The following PRIM2 variants were observed in gnomAD, a reference collection of about 807,000 sequenced individuals.
PRIM2 encodes the protein DNA primase subunit 2, also known as DNA primase large subunit.
In PRIM2, 39 loss-of-function variants were observed where a neutral mutation model predicts 67.3. The ratio of observed to expected loss-of-function variants is 0.58; its 90% CI spans 0.45 to 0.76. PRIM2 has a LOEUF of 0.76. PRIM2 is among the 30% of genes least tolerant of loss of function. The pLI is 0.00. For synonymous variants in PRIM2, 143 were observed against 198.7 expected (o/e 0.72, Z 2.36); for missense variants, 398 against 598.7 (o/e 0.66, Z 3.50).
the PRIM2 span, among the ~76,000 whole-genome samples, chr6:57,226,200 C>G: frequency 6.6e-6 from 1 of 152,126 alleles, no homozygotes; most frequent in African/African-American, 2.4e-5. Flanking sequence ...CATATGCACA[C>G]ATATACACAA....
At chr6:57,600,472 C>T (rs1776444573) in intron 10 of PRIM2, among the ~76,000 whole-genome samples, 1 of 151,968 alleles carries the variant, frequency 6.6e-6, no homozygotes, top group African/African-American at 2.4e-5. Flanking sequence ...ATAATTCTGC[C>T]TCAGGCTCCT....
At chr6:57,628,562 G>T (rs1776992983) in intron 12 of PRIM2, among the ~76,000 whole-genome samples, 26 of 152,322 alleles carry the variant, frequency 1.7e-4, no homozygotes, top group African/African-American at 5.5e-4. Flanking sequence ...GCATGATGCT[G>T]AGGCTTGGGC....
At chr6:57,384,469 C>T (rs1473040283) in intron 7 of PRIM2, among the ~76,000 whole-genome samples, 1 of 152,146 alleles carries the variant, frequency 6.6e-6, no homozygotes, top group Non-Finnish European at 1.5e-5. Flanking sequence ...ACATCTGCAA[C>T]AATCCTATTT....
chr6:57,448,141 C>A (rs1772424904), intron 7 of PRIM2, among the ~76,000 whole-genome samples: 1 of 152,240 alleles, frequency 6.6e-6, no homozygotes, highest in East Asian at 1.9e-4. Flanking sequence ...TTTATTAAGA[C>A]AATGTTGTAT....
At chr6:57,369,948 G>A (rs1203289312) in intron 5 of PRIM2, among the ~76,000 whole-genome samples, 1 of 152,198 alleles carries the variant, frequency 6.6e-6, no homozygotes. Context: ...CTAAGGGTGT[G>A]CTGTATGTTA....
At chr6:57,510,898 GA>G (rs1394771402) in intron 8 of PRIM2, among the ~76,000 whole-genome samples, 3 of 151,804 alleles carry the variant, frequency 2.0e-5, no homozygotes, top group Non-Finnish European at 4.4e-5. Context: ...AATTTTGTTA[GA>G]AAAAAATTGA....
At chr6:57,248,437 A>G in the PRIM2 span, among the ~76,000 whole-genome samples, 3 of 152,192 alleles carry the variant, frequency 2.0e-5, no homozygotes, top group Non-Finnish European at 4.4e-5. Context: ...CGAACAAATA[A>G]TTGAACAAAA....
chr6:57,594,394 T>TA (rs1211634625), intron 10 of PRIM2, among the ~76,000 whole-genome samples: 1 of 152,234 alleles, frequency 6.6e-6, no homozygotes, highest in Non-Finnish European at 1.5e-5. Flanking sequence ...AGGACTCACT[T>TA]ACCTTTGAAA....
At chr6:57,325,820 C>A in intron 4 of PRIM2, 105 bp from the exon 5 acceptor site, 2 of 1,131,010 alleles carry the variant, frequency 1.8e-6, no homozygotes, top group Non-Finnish European at 2.5e-6. Context: ...TAACTGCTGT[C>A]CATTGGCATC....
At chr6:57,470,606 C>T (rs1250092186) in intron 7 of PRIM2, among the ~76,000 whole-genome samples, 1 of 150,926 alleles carries the variant, frequency 6.6e-6, no homozygotes, top group African/African-American at 2.4e-5. Flanking sequence ...ACCCCAAATC[C>T]CAAAATTGTT....
At chr6:57,606,044 A>G (rs1272922685) in intron 11 of PRIM2, among the ~76,000 whole-genome samples, 2 of 151,720 alleles carry the variant, frequency 1.3e-5, no homozygotes, top group Non-Finnish European at 2.9e-5. Context: ...ATAAAGTTTT[A>G]AAATAAACTA....
intron 5 of PRIM2, among the ~76,000 whole-genome samples, chr6:57,366,508 G>T (rs573847094): frequency 6.6e-6 from 1 of 152,134 alleles, no homozygotes; most frequent in Non-Finnish European, 1.5e-5. Flanking sequence ...TGCTGTGATC[G>T]TGGGAGTGGG....
chr6:57,430,754 C>T (rs1771799609), intron 7 of PRIM2, among the ~76,000 whole-genome samples: 1 of 152,048 alleles, frequency 6.6e-6, no homozygotes, highest in Admixed American at 6.6e-5. Context: ...AGTCACTGTG[C>T]CCGGGCAGGA....
chr6:57,301,389 C>T, the PRIM2 span, among the ~76,000 whole-genome samples: 2 of 151,996 alleles, frequency 1.3e-5, no homozygotes, highest in Admixed American at 6.6e-5. Flanking sequence ...CGGTAGGCTG[C>T]GGCAGGAGAA....
chr6:57,288,185 T>C, the PRIM2 span, among the ~76,000 whole-genome samples: 1,250 of 152,290 alleles, frequency 8.2e-3, 24 homozygotes, highest in African/African-American at 0.029. Flanking sequence ...CGCAGCAGTC[T>C]GTGATCAACC....
intron 10 of PRIM2, among the ~76,000 whole-genome samples, chr6:57,599,276 A>T (rs1359700495): frequency 8.8e-6 from 1 of 113,432 alleles, no homozygotes; most frequent in Admixed American, 9.0e-5. Flanking sequence ...GATCTGCACG[A>T]GCTCCAGTTA....
chr6:57,476,840 T>C (rs1773489097), intron 7 of PRIM2, among the ~76,000 whole-genome samples: 1 of 152,120 alleles, frequency 6.6e-6, no homozygotes, highest in African/African-American at 2.4e-5. Context: ...CTCCGCCTTC[T>C]GGGTTCAAGT....
chr6:57,433,906 G>A (rs1771920567), intron 7 of PRIM2, among the ~76,000 whole-genome samples: 1 of 149,820 alleles, frequency 6.7e-6, no homozygotes, highest in Non-Finnish European at 1.5e-5. Flanking sequence ...TGTGGGACAA[G>A]CAACTTCTCT....
intron 10 of PRIM2, among the ~76,000 whole-genome samples, chr6:57,599,864 G>T (rs1434477080): frequency 6.6e-6 from 1 of 152,140 alleles, no homozygotes; most frequent in Non-Finnish European, 1.5e-5. Context: ...ATATTGCTCT[G>T]TTGCCCTGAC....
Sources: allele counts gnomAD v4.1 joint callset (sites outside exome capture counted in the v4.1 genomes callset), GRCh38; gene constraint gnomAD v4.1.1; transcripts MANE v1.5; gene names NCBI Gene and HGNC (gene_info 2026-07-23, HGNC 2026-07-21).